Variants in VRK2 observed in about 807,000 individuals in gnomAD.
VRK2 encodes VRK serine/threonine kinase 2.
VRK2 carries 60 observed loss-of-function variants against 57.6 expected under a neutral mutation model. That is an observed-to-expected ratio of 1.04 (90% CI 0.85 to 1.29). The LOEUF (loss-of-function observed/expected upper bound fraction) is 1.29. Ranked by LOEUF, VRK2 falls within the 50% of genes most tolerant of loss-of-function variation. The probability of loss-of-function intolerance (pLI) is 0.00; values close to 1 mark genes in which losing one functional copy is unlikely to be tolerated. For missense variants in VRK2, 705 were observed against 588.1 expected (o/e 1.20, Z -2.06); for synonymous variants, 231 against 199.2 (o/e 1.16, Z -1.35).
intron 12 of VRK2, 190 bp from the exon 13 acceptor site, chr2:58,159,159 G>T: frequency 2.2e-6 from 1 of 451,124 alleles, no homozygotes; most frequent in Non-Finnish European, 3.9e-6. Context: ...TTTGCTTGTT[G>T]GATGTTTATA....
intron 2 of VRK2, among the ~76,000 whole-genome samples, chr2:58,074,692 C>G (rs910092067): frequency 1.3e-5 from 2 of 151,534 alleles, no homozygotes; most frequent in Non-Finnish European, 2.9e-5. Flanking sequence ...TTTATTTTAC[C>G]TTCATTTATT....
intron 1 of VRK2, among the ~76,000 whole-genome samples, chr2:57,968,093 T>A (rs1671977242): frequency 6.6e-6 from 1 of 151,736 alleles, no homozygotes; most frequent in Admixed American, 6.6e-5. Flanking sequence ...TAGGAAGCAA[T>A]TGCCCCAAAA....
At chr2:57,939,012 C>A (rs775467752) in intron 1 of VRK2, among the ~76,000 whole-genome samples, 4 of 152,048 alleles carry the variant, frequency 2.6e-5, no homozygotes. Context: ...GCAGTTCAAA[C>A]TGAGAAACAG....
intron 2 of VRK2, among the ~76,000 whole-genome samples, chr2:58,083,598 T>G (rs1671200897): frequency 6.6e-6 from 1 of 151,878 alleles, no homozygotes; most frequent in Admixed American, 6.6e-5. Context: ...TCTAGAATTT[T>G]GTCAAGTATA....
chr2:58,114,002 G>A (rs1332970453), intron 7 of VRK2, among the ~76,000 whole-genome samples: 1 of 152,200 alleles, frequency 6.6e-6, no homozygotes, highest in Non-Finnish European at 1.5e-5. Flanking sequence ...GGCAGTGTGG[G>A]AACCTAGAGT....
chr2:57,993,537 T>C (rs1672835770), intron 1 of VRK2, among the ~76,000 whole-genome samples: 1 of 152,138 alleles, frequency 6.6e-6, no homozygotes, highest in African/African-American at 2.4e-5. Context: ...TTCATTTAAA[T>C]CGCATTGCAC....
At chr2:57,960,052 T>C (rs1220665000) in intron 1 of VRK2, among the ~76,000 whole-genome samples, 1 of 120,714 alleles carries the variant, frequency 8.3e-6, no homozygotes, top group South Asian at 3.2e-4. Flanking sequence ...GGTGTGTGTG[T>C]TGTGGGGCGG....
chr2:57,983,469 T>C (rs1472328598), intron 1 of VRK2, among the ~76,000 whole-genome samples: 1 of 152,146 alleles, frequency 6.6e-6, no homozygotes, highest in East Asian at 1.9e-4. Context: ...TTTCAGAGAT[T>C]AGGGCATAGA....
chr2:58,036,514 T>C (rs1029825984), intron 3 of VRK2, among the ~76,000 whole-genome samples: 14 of 152,040 alleles, frequency 9.2e-5, no homozygotes, highest in African/African-American at 3.4e-4. Flanking sequence ...TCTAACTCTT[T>C]CTATTCTATG....
chr2:58,060,137 A>C (rs567926265), intron 2 of VRK2, among the ~76,000 whole-genome samples: 1 of 151,888 alleles, frequency 6.6e-6, no homozygotes, highest in Non-Finnish European at 1.5e-5. Context: ...AACAACAAAA[A>C]AATCCCACAC....
intron 3 of VRK2, among the ~76,000 whole-genome samples, chr2:58,039,760 A>G (rs937772719): frequency 2.6e-5 from 4 of 152,140 alleles, no homozygotes; most frequent in African/African-American, 9.7e-5. Flanking sequence ...TTTACGGGAT[A>G]AAAAATAAAA....
intron 2 of VRK2, among the ~76,000 whole-genome samples, chr2:58,030,089 A>G (rs1203265883): frequency 6.6e-6 from 1 of 152,086 alleles, no homozygotes; most frequent in African/African-American, 2.4e-5. Context: ...CTCAATGGCT[A>G]TAAGACCTCT....
At position 58,078,879 on chromosome 2, in the gene VRK2, G is replaced by T. The variant is rs185434320; in HGVS notation, c.137-5210G>T. Among the ~76,000 whole-genome samples the T allele has an allele frequency of 9.9e-5, 15 of 152,174 alleles. No homozygotes were observed. The East Asian group carries it at 2.7e-3, about 28-fold the overall frequency. On this transcript the variant is annotated intron_variant, in intron 2 of 12. Coordinates refer to ENST00000340157, the MANE Select transcript of VRK2 (RefSeq NM_006296.7). ...TTTAGAGAAAGGGTAACTCTGTGTT[G>T]CCCAAACTGGTCTTAAACTCCTGGG...
At chr2:57,999,179 A>G (rs938810362) in intron 1 of VRK2, among the ~76,000 whole-genome samples, 3 of 152,118 alleles carry the variant, frequency 2.0e-5, no homozygotes, top group African/African-American at 7.2e-5. Flanking sequence ...CAACTTCGTC[A>G]CTCTGTATAA....
chr2:57,917,477 A>G (rs1259681143), intron 1 of VRK2, among the ~76,000 whole-genome samples: 1 of 150,516 alleles, frequency 6.6e-6, no homozygotes, highest in African/African-American at 2.4e-5. Flanking sequence ...CTGCTAATAC[A>G]CCTCATTATG....
At chr2:58,093,862 C>A (rs1258069483) in intron 7 of VRK2, among the ~76,000 whole-genome samples, 1 of 152,188 alleles carries the variant, frequency 6.6e-6, no homozygotes, top group African/African-American at 2.4e-5. Context: ...GGAAGGGATC[C>A]AGTTTCAGCT....
chr2:57,980,851 C>T (rs574300687), intron 1 of VRK2, among the ~76,000 whole-genome samples: 12 of 151,996 alleles, frequency 7.9e-5, no homozygotes, highest in East Asian at 1.9e-4. Context: ...AGAATAGCAA[C>T]GCTTGCTTTT....
At chr2:58,131,634 CTG>C (rs1336493682) in intron 8 of VRK2, among the ~76,000 whole-genome samples, 172 bp from the exon 9 acceptor site, 1 of 152,144 alleles carries the variant, frequency 6.6e-6, no homozygotes, top group Non-Finnish European at 1.5e-5. Flanking sequence ...CACTGCCTGT[CTG>C]TGGACTGGGG....
At chr2:58,037,281 C>T (rs986452930) in intron 3 of VRK2, among the ~76,000 whole-genome samples, 3 of 151,986 alleles carry the variant, frequency 2.0e-5, no homozygotes, top group Non-Finnish European at 4.4e-5. Context: ...TTCATGACTT[C>T]CGTGCTACAC....
Sources: allele counts gnomAD v4.1 joint callset (sites outside exome capture counted in the v4.1 genomes callset), GRCh38; gene constraint gnomAD v4.1.1; transcripts MANE v1.5; gene names NCBI Gene and HGNC (gene_info 2026-07-23, HGNC 2026-07-21).